Variants in USP32 observed in about 807,000 individuals in gnomAD.
The protein encoded by USP32 is ubiquitin specific peptidase 32, also known as ubiquitin carboxyl-terminal hydrolase 32.
USP32 carries 59 observed loss-of-function variants against 204.8 expected under a neutral mutation model. That is an observed-to-expected ratio of 0.29 (90% CI 0.23 to 0.36). The LOEUF (loss-of-function observed/expected upper bound fraction) is 0.36, where lower values mean the gene tolerates loss of function less well. USP32 is among the 10% of genes least tolerant of loss of function. The pLI is 1.00. For missense variants in USP32, 1,160 were observed against 1,946.4 expected, an observed-to-expected ratio of 0.60 and a Z score of 7.60; for synonymous variants, 517 against 678.4, an observed-to-expected ratio of 0.76 and a Z score of 3.70.
At chr17:60,300,948 T>C (rs1031279745) in intron 3 of USP32, among the ~76,000 whole-genome samples, 3 of 152,230 alleles carry the variant, frequency 2.0e-5, no homozygotes, top group Non-Finnish European at 4.4e-5. Context: ...TCATAATATA[T>C]GGCCTATTGG....
At chr17:60,347,599 C>T (rs1408792963) in intron 1 of USP32, among the ~76,000 whole-genome samples, 3 of 151,358 alleles carry the variant, frequency 2.0e-5, no homozygotes, top group Non-Finnish European at 2.9e-5. Context: ...GTGATCCACC[C>T]GCCTCAGCCT....
rs779984765 is a variant in USP32, at chr17:60,236,196, T to C, written c.1181A>G (p.His394Arg). 6.2e-7 allele frequency: 1 copy of C among 1,614,046 alleles called. No homozygotes were observed. The highest frequency in any genetic ancestry group is 8.5e-7 in the Non-Finnish European group (1 of 1,179,932). ...RESRYGLQAG[H>R]NWFIISMQWW... ...CTGCATGGAGATGATAAACCAGTTG[T>C]GTCCTGCTTGCAGACCATACCTGCT... Residue 394 changes from histidine (H) to arginine (R), a missense_variant, in exon 12 of 34, where the codon CAC (histidine) becomes CGC (arginine). Transcript: ENST00000300896.
chr17:60,366,560 C>G (rs957274758), intron 1 of USP32, among the ~76,000 whole-genome samples: 1 of 152,042 alleles, frequency 6.6e-6, no homozygotes, highest in Non-Finnish European at 1.5e-5. Context: ...GCCACTGCAC[C>G]CAGCCCGCCA....
chr17:60,367,569 G>T (rs1290846554), intron 1 of USP32, among the ~76,000 whole-genome samples: 2 of 152,066 alleles, frequency 1.3e-5, no homozygotes, highest in Non-Finnish European at 2.9e-5. Context: ...CCAGCACTTT[G>T]GCAGGCTGAG....
chr17:60,334,832 C>G (rs1176302201), intron 2 of USP32, among the ~76,000 whole-genome samples: 1 of 143,290 alleles, frequency 7.0e-6, no homozygotes, highest in East Asian at 1.9e-4. Flanking sequence ...TTTAGCAGCT[C>G]AATATATATA....
rs528598216 is a variant in USP32 at position 60,294,195 on chromosome 17, C to T, written c.411+488G>A. Among the ~76,000 whole-genome samples, 45 of 152,292 alleles carry T rather than the reference C, an allele frequency of 3.0e-4. No individual in the cohort carries two copies. In the South Asian group the frequency reaches 9.1e-3, roughly 31 times the overall value. ...TACTTGGATTACAGGTGTGAGCCAC[C>T]TTGCCTGGCCCAAAGATGACAATTT... On this transcript the variant is annotated intron_variant, in intron 4 of 33. Transcript: ENST00000300896.
chr17:60,309,078 A>G (rs1018424384), intron 2 of USP32, among the ~76,000 whole-genome samples: 2 of 152,292 alleles, frequency 1.3e-5, no homozygotes, highest in African/African-American at 2.4e-5. Flanking sequence ...TGTTCTGGGG[A>G]AAAAAATTTT....
At chr17:60,229,489 T>C (rs1385386221) in intron 12 of USP32, among the ~76,000 whole-genome samples, 1 of 152,256 alleles carries the variant, frequency 6.6e-6, no homozygotes, top group African/African-American at 2.4e-5. Context: ...TGACTTGTTA[T>C]TAAATCTGCT....
rs921903668 is a variant in USP32, at chr17:60,177,599, G to C, written c.*1656C>G. Among the ~76,000 whole-genome samples, 2 of 152,154 alleles carry C rather than the reference G, an allele frequency of 1.3e-5. No individual in the cohort carries two copies. The highest frequency in any genetic ancestry group is 4.8e-5 in the African/African-American group (2 of 41,422). On this transcript the variant is annotated 3_prime_UTR_variant, in exon 34 of 34. Coordinates refer to ENST00000300896, the MANE Select transcript of USP32 (RefSeq NM_032582.4). ...TTTAAAATCTTCCACTTTTTAATGG[G>C]AATGGACAGATTTTATATACTGAAA...
chr17:60,398,875 G>A (rs114989781), intron 1 of USP32, among the ~76,000 whole-genome samples: 163 of 152,210 alleles, frequency 1.1e-3, no homozygotes, highest in African/African-American at 2.9e-3. Context: ...CAGCTACTTG[G>A]GAGGCTAAAC....
At chr17:60,180,472 T>C (rs887941689) in intron 33 of USP32, 73 bp downstream of exon 33, 16 of 1,483,822 alleles carry the variant, frequency 1.1e-5, no homozygotes, top group Non-Finnish European at 1.5e-5. Flanking sequence ...GATAGTCCAT[T>C]ATTTCAACAA....
chr17:60,418,490 A>G (rs1464237306), intron 1 of USP32, among the ~76,000 whole-genome samples: 2 of 151,668 alleles, frequency 1.3e-5, no homozygotes, highest in East Asian at 1.9e-4. Context: ...AGCAGTTTCA[A>G]CAAAAGCAAA....
chr17:60,184,488 GAGTAGTAT>G (rs1000897609), intron 30 of USP32, among the ~76,000 whole-genome samples: 20 of 152,206 alleles, frequency 1.3e-4, no homozygotes, highest in Admixed American at 3.3e-4. Context: ...CAGCTTCACA[GAGTAGTAT>G]GACAGAGACA....
intron 1 of USP32, among the ~76,000 whole-genome samples, chr17:60,349,505 A>G (rs997248008): frequency 6.2e-5 from 9 of 145,172 alleles, no homozygotes; most frequent in African/African-American, 1.0e-4. Context: ...GAGGAGGCAA[A>G]GGTTGCAGTG....
chr17:60,282,861 A>G (rs1354177624), intron 5 of USP32, among the ~76,000 whole-genome samples: 1 of 152,182 alleles, frequency 6.6e-6, no homozygotes, highest in African/African-American at 2.4e-5. Flanking sequence ...AAAATTTTCA[A>G]TCCAGTTCAA....
In USP32 at chr17:60,193,048, T is replaced by C; in HGVS notation, c.3435-118A>G. The C allele has an allele frequency of 4.0e-6, 4 of 1,007,508 alleles. No individual in the cohort carries two copies. The Admixed American group carries it at 8.5e-5, about 21-fold the overall frequency. 62.4% of individuals were successfully genotyped at this position (1,007,508 alleles called of 1,614,324 possible). A position where few individuals can be genotyped will look rare whatever the true frequency, so the allele number is the denominator to read the frequency against. On this transcript the variant is annotated intron_variant, in intron 27 of 33. Coordinates refer to ENST00000300896, the MANE Select transcript of USP32 (RefSeq NM_032582.4). Reference sequence around the variant, plus strand: ...GGCATTTGCCATAGCAGTACGCTCATGTTGACAGCTCAATGTTACTTACCC... The same window carrying C: ...GGCATTTGCCATAGCAGTACGCTCACGTTGACAGCTCAATGTTACTTACCC...
chr17:60,259,319 T>C (rs2086394854), intron 9 of USP32, among the ~76,000 whole-genome samples: 1 of 152,214 alleles, frequency 6.6e-6, no homozygotes, highest in East Asian at 1.9e-4. Context: ...GCTGTATTCA[T>C]ATATAGCATA....
chr17:60,328,431 C>G (rs1269335192), intron 2 of USP32, among the ~76,000 whole-genome samples: 5 of 152,172 alleles, frequency 3.3e-5, no homozygotes, highest in Non-Finnish European at 5.9e-5. Flanking sequence ...TTCAGGATAC[C>G]CTGGCTACAG....
chr17:60,414,855 C>CT lies in USP32; in HGVS notation c.106+7390dup, dbSNP rs778384707. On this transcript the variant is annotated intron_variant, in intron 1 of 3. Coordinates refer to the USP32 transcript ENST00000588898. The stretch of plus-strand genomic sequence containing the variant: ...ATTTTTATTTTTCTTTTCTTTCTTT[C>CT]TTTTTTTTTTTTTTAGATGGAGTCT... Among the ~76,000 whole-genome samples the CT allele has an allele frequency of 4.2e-3, 562 of 133,648 alleles. 2 individuals are homozygous for CT. The highest frequency in any genetic ancestry group is 7.7e-3 in the African/African-American group (284 of 36,778). 87.7% of individuals were successfully genotyped at this position (133,648 alleles called of 152,430 possible). A position where few individuals can be genotyped will look rare whatever the true frequency, so the allele number is the denominator to read the frequency against.
Sources: allele counts gnomAD v4.1 joint callset (sites outside exome capture counted in the v4.1 genomes callset), GRCh38; gene constraint gnomAD v4.1.1; transcripts MANE v1.5; gene names NCBI Gene and HGNC (gene_info 2026-07-23, HGNC 2026-07-21).